EMSY: variants seen among roughly 807,000 people sequenced by gnomAD.
The protein encoded by EMSY is EMSY transcriptional repressor, BRCA2 interacting.
EMSY carries 26 observed loss-of-function variants against 134.6 expected under a neutral mutation model. The ratio of observed to expected loss-of-function variants is 0.19; its 90% confidence interval spans 0.14 to 0.27. The LOEUF is 0.27. Among genes scored for constraint, EMSY ranks in the 10% least tolerant of loss-of-function variants. The pLI is 1.00. For missense variants in EMSY, 1,305 were observed against 1,611.4 expected (o/e 0.81, Z 3.26); for synonymous variants, 579 against 577.8 (o/e 1.00, Z -0.03).
chr11:76,465,482 A>G (rs975943353), intron 7 of EMSY, among the ~76,000 whole-genome samples: 1 of 151,890 alleles, frequency 6.6e-6, no homozygotes, highest in African/African-American at 2.4e-5. Flanking sequence ...CACGTAGTAA[A>G]TGTTCAGTAT....
At chr11:76,458,040 A>G (rs1265768365) in intron 4 of EMSY, 143 bp from the exon 6 acceptor site, 5 of 572,560 alleles carry the variant, frequency 8.7e-6, no homozygotes, top group Non-Finnish European at 1.4e-5. Flanking sequence ...CATAATTTTG[A>G]TCTTGCTTGC....
intron 7 of EMSY, among the ~76,000 whole-genome samples, chr11:76,470,168 A>T (rs1348573782): frequency 6.6e-6 from 1 of 152,146 alleles, no homozygotes; most frequent in Non-Finnish European, 1.5e-5. Flanking sequence ...TGACTGACTC[A>T]CTTCTGGCCT....
intron 8 of EMSY, among the ~76,000 whole-genome samples, chr11:76,489,308 T>C (rs1289609038): frequency 6.9e-6 from 1 of 145,246 alleles, no homozygotes; most frequent in African/African-American, 2.6e-5. Context: ...CAGATTCTTC[T>C]TGTTTTCTTT....
chr11:76,494,132 C>A (rs1178475779), intron 8 of EMSY, among the ~76,000 whole-genome samples: 1 of 152,256 alleles, frequency 6.6e-6, no homozygotes, highest in East Asian at 1.9e-4. Context: ...CTGCCCGCCC[C>A]ACTGCAGCAG....
At chr11:76,497,354 A>G (rs760694715) in intron 9 of EMSY, 2 of 152,226 alleles carry the variant, frequency 1.3e-5, no homozygotes, top group Admixed American at 1.3e-4. Flanking sequence ...GGTCAGGATA[A>G]TACCGGCCTC....
At position 76,546,025 on chromosome 11, in the gene EMSY, G is replaced by A. The variant is rs777344078; in HGVS notation, c.3502G>A (p.Val1168Met). The change falls in exon 20 of 21, where the codon GTG becomes ATG. Residue 1168 changes from valine to methionine, a missense_variant. Val to Met is a conservative substitution (Grantham distance 21). Around this residue, in one of 7 missense-constraint regions of EMSY, gnomAD observed 664 missense variants for 763.9 expected, o/e 0.87. Coordinates refer to ENST00000334736, the Ensembl canonical transcript of EMSY. ...TGATACAAATGTAGAACATATGATA[G>A]TGGATCCCCCAAAGAAGGCTCTTGC... 7 of 1,614,072 alleles carry A rather than the reference G, an allele frequency of 4.3e-6. No individual in the cohort carries two copies. In the South Asian group the frequency reaches 5.5e-5, roughly 13 times the overall value.
chr11:76,539,160 C>A (rs1231540100), intron 16 of EMSY, among the ~76,000 whole-genome samples: 1 of 152,130 alleles, frequency 6.6e-6, no homozygotes, highest in African/African-American at 2.4e-5. Flanking sequence ...ATACTGCTTT[C>A]TCTTTTGAAC....
intron 2 of EMSY, 67 bp from the exon 3 acceptor site, chr11:76,451,791 C>T: frequency 1.1e-6 from 1 of 926,064 alleles, no homozygotes; most frequent in Non-Finnish European, 1.5e-6. Context: ...CCTGAAGTTT[C>T]ACTATACATA....
intron 14 of EMSY, among the ~76,000 whole-genome samples, chr11:76,532,839 G>A (rs1039700133): frequency 4.6e-5 from 7 of 152,116 alleles, no homozygotes; most frequent in African/African-American, 1.4e-4. Context: ...TCTTTCTGAA[G>A]TTTCATGATC....
At chr11:76,463,623 C>T (rs1469015354) in intron 6 of EMSY, among the ~76,000 whole-genome samples, 198 bp from the exon 8 acceptor site, 41 of 127,144 alleles carry the variant, frequency 3.2e-4, no homozygotes, top group Non-Finnish European at 4.8e-4. Flanking sequence ...GAGCGAGACT[C>T]CGTCTCAAAA....
At chr11:76,468,899 T>TC (rs1163339778) in intron 7 of EMSY, among the ~76,000 whole-genome samples, 1 of 152,136 alleles carries the variant, frequency 6.6e-6, no homozygotes, top group East Asian at 1.9e-4. Context: ...TGCTAGAAGG[T>TC]CAGTAATTTG....
chr11:76,502,044 G>GAAA (rs57263473), intron 9 of EMSY, among the ~76,000 whole-genome samples: 7 of 93,094 alleles, frequency 7.5e-5, no homozygotes, highest in African/African-American at 1.9e-4. Flanking sequence ...CATTTGAAAT[G>GAAA]AAAAAAAAAA....
chr11:76,502,241 A>G (rs535490557), intron 9 of EMSY, among the ~76,000 whole-genome samples: 5 of 138,698 alleles, frequency 3.6e-5, no homozygotes, highest in Non-Finnish European at 6.0e-5. Flanking sequence ...TGCTGTTGAC[A>G]CTTATATTCC....
exon 9 of EMSY, chr11:76,496,391 G>C: frequency 1.9e-6 from 3 of 1,614,118 alleles, no homozygotes; most frequent in Non-Finnish European, 2.5e-6. Context: ...GCCTTCTCCA[G>C]TATCTCATCA....
chr11:76,447,216 T>C (rs1356956523), intron 2 of EMSY, among the ~76,000 whole-genome samples: 1 of 152,248 alleles, frequency 6.6e-6, no homozygotes, highest in Non-Finnish European at 1.5e-5. Context: ...ATAATACTAG[T>C]AGCTAAGATT....
chr11:76,507,866 T>TTTTTC (rs1491543528), intron 9 of EMSY, among the ~76,000 whole-genome samples: 21 of 4,804 alleles, frequency 4.4e-3, no homozygotes, highest in South Asian at 0.021. Flanking sequence ...TTTCTTTTTC[T>TTTTTC]TTTTTTTTTT....
At chr11:76,507,738 G>A (rs1384062960) in intron 9 of EMSY, among the ~76,000 whole-genome samples, 2 of 152,020 alleles carry the variant, frequency 1.3e-5, no homozygotes, top group Non-Finnish European at 2.9e-5. Flanking sequence ...ATTCAAAAAT[G>A]TTCTGAATGC....
chr11:76,530,696 TC>T (rs1222372166), intron 14 of EMSY, among the ~76,000 whole-genome samples: 5 of 152,182 alleles, frequency 3.3e-5, no homozygotes, highest in Non-Finnish European at 7.3e-5. Context: ...AATCTGCCCC[TC>T]CCCTTATCGC....
chr11:76,460,393 G>T, intron 6 of EMSY: 1 of 216,866 alleles, frequency 4.6e-6, no homozygotes, highest in East Asian at 9.9e-5. Flanking sequence ...AGAAACTGAA[G>T]GAATGTGCTT....
Sources: allele counts gnomAD v4.1 joint callset (sites outside exome capture counted in the v4.1 genomes callset), GRCh38; gene constraint gnomAD v4.1.1; regional missense constraint gnomAD v4.1.1; transcripts MANE v1.5; gene names NCBI Gene and HGNC (gene_info 2026-07-23, HGNC 2026-07-21).